TENM3: variants seen among roughly 807,000 people sequenced by gnomAD.
TENM3 encodes teneurin transmembrane protein 3.
TENM3 carries 63 observed loss-of-function variants against 255.1 expected under a neutral mutation model. That is an observed-to-expected ratio of 0.25 (90% confidence interval 0.20 to 0.30). TENM3 has a LOEUF of 0.30. Ranked by LOEUF, TENM3 falls within the 10% of genes least tolerant of loss-of-function variation. The pLI is 1.00. For missense variants in TENM3, 2,929 were observed against 3,461.1 expected, an observed-to-expected ratio of 0.85 and a Z score of 3.86; for synonymous variants, 1,306 against 1,322.3, an observed-to-expected ratio of 0.99 and a Z score of 0.27.
chr4:182,202,531 CT>C (rs1754254222), intron 1 of TENM3, among the ~76,000 whole-genome samples: 1 of 152,094 alleles, frequency 6.6e-6, no homozygotes. Flanking sequence ...TCTCGAACTC[CT>C]GACCTCAGGT....
chr4:182,287,802 A>G (rs1294745429), intron 1 of TENM3, among the ~76,000 whole-genome samples: 1 of 151,440 alleles, frequency 6.6e-6, no homozygotes, highest in Non-Finnish European at 1.5e-5. Flanking sequence ...TATTTTTAGT[A>G]AAGAGGTGGT....
chr4:182,000,833 G>A, the TENM3 span, among the ~76,000 whole-genome samples: 1 of 149,932 alleles, frequency 6.7e-6, no homozygotes, highest in Non-Finnish European at 1.5e-5. Flanking sequence ...AGTCCAGAAA[G>A]AAGACTATTA....
intron 3 of TENM3, among the ~76,000 whole-genome samples, chr4:182,404,631 A>G (rs1769438487): frequency 6.6e-6 from 1 of 152,222 alleles, no homozygotes; most frequent in African/African-American, 2.4e-5. Flanking sequence ...AAAAATGTCA[A>G]GACTTTGCTA....
upstream of TENM3, among the ~76,000 whole-genome samples, chr4:182,242,008 T>C (rs1186774761): frequency 6.7e-6 from 1 of 148,732 alleles, no homozygotes; most frequent in Non-Finnish European, 1.5e-5. Flanking sequence ...GCCTTCTTTT[T>C]TTTTTTCCTC....
the TENM3 span, among the ~76,000 whole-genome samples, chr4:181,824,278 T>A: frequency 6.6e-6 from 1 of 151,814 alleles, no homozygotes. Flanking sequence ...ATTTTTTTTT[T>A]TTTTTAAGAG....
At position 182,800,037 on chromosome 4, in the gene TENM3, G is replaced by T. The variant is rs1174169891; in HGVS notation, c.7786G>T (p.Val2596Leu). 12 of 1,599,860 alleles carry T rather than the reference G, an allele frequency of 7.5e-6. No individual in the cohort carries two copies. The highest frequency in any genetic ancestry group is 2.3e-5 in the South Asian group (2 of 88,664). The change falls in exon 28 of 28, where the codon GTG becomes TTG. Residue 2596 changes from valine (V) to leucine (L), a missense_variant. Val to Leu is a conservative substitution (Grantham distance 32). Around this residue, in one of 6 missense-constraint regions of TENM3, gnomAD observed 476 missense variants for 480.1 expected, o/e 0.99. Coordinates refer to ENST00000511685, the MANE Select transcript of TENM3 (RefSeq NM_001080477.4). The part of the protein sequence containing the change: ...VNGRTRRFAD[V>L]EMQFGALALH... Reference sequence around the variant, plus strand: ...CGGCAGGACGCGCAGGTTCGCGGACGTGGAGATGCAGTTCGGCGCGCTGGC... The same window carrying T: ...CGGCAGGACGCGCAGGTTCGCGGACTTGGAGATGCAGTTCGGCGCGCTGGC...
intron 3 of TENM3, among the ~76,000 whole-genome samples, chr4:182,507,937 A>T (rs1034860882): frequency 6.6e-6 from 1 of 152,144 alleles, no homozygotes; most frequent in African/African-American, 2.4e-5. Context: ...TAGTTTGGTC[A>T]TAGAGATTTG....
At chr4:181,837,439 T>A in the TENM3 span, among the ~76,000 whole-genome samples, 5 of 152,224 alleles carry the variant, frequency 3.3e-5, no homozygotes, top group African/African-American at 4.8e-5. Context: ...TTAAGTTTAT[T>A]TTTTTCTCTT....
intron 3 of TENM3, among the ~76,000 whole-genome samples, chr4:182,559,051 C>A (rs1742862504): frequency 6.6e-6 from 1 of 151,976 alleles, no homozygotes; most frequent in African/African-American, 2.4e-5. Context: ...GTTCCCAACC[C>A]AGTTAAATTA....
At chr4:181,880,621 G>C in the TENM3 span, among the ~76,000 whole-genome samples, 1 of 152,148 alleles carries the variant, frequency 6.6e-6, no homozygotes, top group Non-Finnish European at 1.5e-5. Context: ...ACAAGTCATA[G>C]AATGCAGGAA....
chr4:182,765,770 A>C (rs1157487032), intron 22 of TENM3, among the ~76,000 whole-genome samples: 2 of 152,186 alleles, frequency 1.3e-5, no homozygotes, highest in Non-Finnish European at 2.9e-5. Flanking sequence ...CTCACCTGTA[A>C]CATGAAAGGC....
At chr4:182,157,720 C>G (rs1192637771) in intron 1 of TENM3, among the ~76,000 whole-genome samples, 1 of 152,124 alleles carries the variant, frequency 6.6e-6, no homozygotes. Context: ...AAAGATGTGG[C>G]TGGAGACTAT....
Position 182,737,031 on chromosome 4 carries a change from C to T in TENM3, c.3191C>T (p.Thr1064Ile), listed in dbSNP as rs895745348. 2 of 1,613,820 alleles carry T rather than the reference C, an allele frequency of 1.2e-6. No individual in the cohort carries two copies. Among genetic ancestry groups the T allele is most frequent in the Non-Finnish European group, 1.7e-6 (2 of 1,179,780 alleles). Residue 1064 changes from threonine to isoleucine, a missense_variant, in exon 17 of 28, where the codon ACA becomes ATA. Physicochemically the swap from Thr to Ile is moderately conservative, Grantham distance 89. Around this residue, in one of 6 missense-constraint regions of TENM3, gnomAD observed 1,608 missense variants for 1,884.4 expected, o/e 0.85. Transcript: ENST00000511685. Reference protein sequence around the residue: ...NLAYTFIWDKTDAYNQKVYGL... With the variant: ...NLAYTFIWDKIDAYNQKVYGL... ...GCCTATACTTTCATATGGGATAAAA[C>T]AGATGCATATAATCAGAAAGTCTAT...
chr4:182,253,238 G>A (rs1196041999), intron 1 of TENM3, among the ~76,000 whole-genome samples: 5 of 152,130 alleles, frequency 3.3e-5, no homozygotes, highest in Admixed American at 1.3e-4. Flanking sequence ...TTGGGAGGCC[G>A]AGGTGGGTGG....
intron 1 of TENM3, among the ~76,000 whole-genome samples, chr4:182,226,952 C>T (rs1756199687): frequency 6.6e-6 from 1 of 152,114 alleles, no homozygotes; most frequent in African/African-American, 2.4e-5. Context: ...AGAGCTGCAA[C>T]AGTGCCTAGG....
chr4:182,796,465 C>T (rs1766501453), intron 26 of TENM3, among the ~76,000 whole-genome samples, 172 bp from the exon 27 acceptor site: 1 of 152,200 alleles, frequency 6.6e-6, no homozygotes, highest in Non-Finnish European at 1.5e-5. Context: ...GTGAAGGTTA[C>T]CGTCTTCATG....
chr4:181,946,452 ACCCT>A, the TENM3 span, among the ~76,000 whole-genome samples: 1 of 152,170 alleles, frequency 6.6e-6, no homozygotes, highest in East Asian at 1.9e-4. Context: ...TTTCATCCAC[ACCCT>A]CCCAGAGCCC....
At chr4:182,107,515 C>G in the TENM3 span, among the ~76,000 whole-genome samples, 1 of 152,122 alleles carries the variant, frequency 6.6e-6, no homozygotes, top group Non-Finnish European at 1.5e-5. Context: ...GAACTGGAAG[C>G]GAAAAGTGGG....
the TENM3 span, among the ~76,000 whole-genome samples, chr4:181,652,883 G>A: frequency 2.0e-5 from 3 of 152,150 alleles, no homozygotes; most frequent in African/African-American, 7.2e-5. Flanking sequence ...CACACGAACT[G>A]CTGTGACCTT....
Sources: allele counts gnomAD v4.1 joint callset (sites outside exome capture counted in the v4.1 genomes callset), GRCh38; gene constraint gnomAD v4.1.1; regional missense constraint gnomAD v4.1.1; transcripts MANE v1.5; gene names NCBI Gene and HGNC (gene_info 2026-07-23, HGNC 2026-07-21).